Variants in DPP6 observed in about 807,000 individuals in gnomAD.
DPP6 encodes the protein dipeptidyl peptidase like 6, also known as A-type potassium channel modulatory protein DPP6.
DPP6 carries 69 observed loss-of-function variants against 122.6 expected under a neutral mutation model. The ratio of observed to expected loss-of-function variants is 0.56; its 90% CI spans 0.46 to 0.69. The LOEUF is 0.69. Ranked by LOEUF, DPP6 falls within the 30% of genes least tolerant of loss-of-function variation. The pLI is 0.00. For synonymous variants in DPP6, 418 were observed against 433.1 expected, an observed-to-expected ratio of 0.97 and a Z score of 0.43; for missense variants, 928 against 1,116.9, an observed-to-expected ratio of 0.83 and a Z score of 2.41.
At chr7:154,676,183 C>T (rs1045065502) in intron 7 of DPP6, among the ~76,000 whole-genome samples, 2 of 149,986 alleles carry the variant, frequency 1.3e-5, no homozygotes, top group African/African-American at 4.9e-5. Flanking sequence ...TTCCGGGCTA[C>T]AGCCTTGCAG....
At chr7:153,828,905 G>A in the DPP6 span, among the ~76,000 whole-genome samples, 1 of 152,146 alleles carries the variant, frequency 6.6e-6, no homozygotes, top group Non-Finnish European at 1.5e-5. Context: ...AACCACAGAA[G>A]TCTGGATGGG....
At chr7:154,579,170 G>A (rs528933330) in intron 5 of DPP6, among the ~76,000 whole-genome samples, 13 of 152,186 alleles carry the variant, frequency 8.5e-5, no homozygotes, top group South Asian at 8.3e-4. Context: ...CCAACATGGC[G>A]AAACCCCATC....
intron 16 of DPP6, among the ~76,000 whole-genome samples, chr7:154,825,183 C>T (rs1229898474): frequency 6.6e-6 from 1 of 152,170 alleles, no homozygotes; most frequent in Non-Finnish European, 1.5e-5. Context: ...GCCTTGCTTA[C>T]AAGCTACTCA....
At position 154,674,782 on chromosome 7, in the gene DPP6, A is replaced by C. The variant is rs533758582; in HGVS notation, c.762+5341A>C. The stretch of plus-strand genomic sequence containing the variant: ...TGGAACTGGGGAGAGAGCTGTCCCC[A>C]AGAGATAGCGTTCCCCAAAGGAGCA... On this transcript the variant is annotated intron_variant, in intron 7 of 25. Transcript: ENST00000377770. Among the ~76,000 whole-genome samples the C allele has an allele frequency of 1.2e-4, 18 of 152,336 alleles. No individual in the cohort carries two copies. The South Asian group carries it at 3.3e-3, about 28-fold the overall frequency.
intron 1 of DPP6, among the ~76,000 whole-genome samples, chr7:154,315,731 A>T (rs1227308788): frequency 3.9e-5 from 6 of 152,120 alleles, no homozygotes; most frequent in Admixed American, 6.6e-5. Flanking sequence ...ATGGACCGTG[A>T]TCCATGTCAG....
chr7:154,649,482 T>C (rs1213907416), intron 6 of DPP6, among the ~76,000 whole-genome samples: 2 of 152,188 alleles, frequency 1.3e-5, no homozygotes, highest in East Asian at 3.9e-4. Context: ...GCTGCACCAT[T>C]AAGAACTCTG....
chr7:154,849,495 C>T (rs1204241760), intron 16 of DPP6, among the ~76,000 whole-genome samples: 2 of 152,278 alleles, frequency 1.3e-5, no homozygotes, highest in East Asian at 3.9e-4. Context: ...TACAGAAACA[C>T]TGCTGATTTT....
At chr7:154,240,803 G>A (rs375633671) in intron 1 of DPP6, among the ~76,000 whole-genome samples, 10 of 152,052 alleles carry the variant, frequency 6.6e-5, no homozygotes, top group South Asian at 2.1e-4. Context: ...TTCTCTCCTC[G>A]GAATATCAAC....
chr7:154,016,217 TCTC>T (rs889769092), intron 1 of DPP6, among the ~76,000 whole-genome samples: 3 of 152,154 alleles, frequency 2.0e-5, no homozygotes, highest in Non-Finnish European at 4.4e-5. Flanking sequence ...TTTATCTTCT[TCTC>T]AACACGTATC....
intron 1 of DPP6, among the ~76,000 whole-genome samples, chr7:154,023,366 T>G (rs543617655): frequency 9.9e-6 from 1 of 101,518 alleles, no homozygotes; most frequent in Admixed American, 9.6e-5. Flanking sequence ...ACACACTTCT[T>G]AAGTCTGCAT....
chr7:154,194,786 T>C (rs1798784501), intron 1 of DPP6, among the ~76,000 whole-genome samples: 1 of 152,244 alleles, frequency 6.6e-6, no homozygotes, highest in African/African-American at 2.4e-5. Flanking sequence ...TTTGGTAAAA[T>C]ACCTGGTCAA....
intron 5 of DPP6, among the ~76,000 whole-genome samples, chr7:154,586,876 C>T (rs1327220981): frequency 6.6e-6 from 1 of 152,192 alleles, no homozygotes. Context: ...AGGGCTGTGT[C>T]CCTCATCAAG....
intron 5 of DPP6, among the ~76,000 whole-genome samples, chr7:154,582,461 G>A (rs1233882758): frequency 2.0e-5 from 3 of 152,192 alleles, no homozygotes; most frequent in African/African-American, 7.2e-5. Context: ...ACTAGAGAAC[G>A]GGAAGCTGAG....
chr7:153,836,017 A>C, the DPP6 span, among the ~76,000 whole-genome samples: 2 of 152,188 alleles, frequency 1.3e-5, no homozygotes, highest in African/African-American at 2.4e-5. Flanking sequence ...AGGCAAAGCA[A>C]AGTGCAGCCC....
intron 1 of DPP6, among the ~76,000 whole-genome samples, chr7:153,952,872 GAGTC>G (rs1224057939): frequency 2.6e-5 from 4 of 152,176 alleles, no homozygotes; most frequent in Non-Finnish European, 4.4e-5. Context: ...TCAAATACAG[GAGTC>G]AGTCAGATAC....
chr7:154,504,892 A>G (rs1043199243), intron 3 of DPP6, among the ~76,000 whole-genome samples: 2 of 152,030 alleles, frequency 1.3e-5, no homozygotes, highest in Non-Finnish European at 2.9e-5. Flanking sequence ...TACCTAATAT[A>G]TGCATATCTG....
intron 17 of DPP6, among the ~76,000 whole-genome samples, chr7:154,867,584 A>G (rs1803993209): frequency 6.6e-6 from 1 of 152,176 alleles, no homozygotes; most frequent in African/African-American, 2.4e-5. Context: ...CCTAGTTTCT[A>G]CCCACCTTTC....
At chr7:153,932,742 C>A (rs1275776211) in intron 1 of DPP6, among the ~76,000 whole-genome samples, 1 of 152,108 alleles carries the variant, frequency 6.6e-6, no homozygotes, top group African/African-American at 2.4e-5. Flanking sequence ...GCACAGGGAT[C>A]CCAGAAGTCT....
At chr7:154,445,897 C>G (rs1819827100) in intron 1 of DPP6, among the ~76,000 whole-genome samples, 1 of 152,128 alleles carries the variant, frequency 6.6e-6, no homozygotes, top group African/African-American at 2.4e-5. Flanking sequence ...CAAGATGACC[C>G]TATACTGCAG....
Sources: gnomAD v4.1 joint callset for allele counts (sites outside exome capture counted in the v4.1 genomes callset) on GRCh38, gnomAD v4.1.1 for gene constraint, MANE v1.5 for transcripts, NCBI Gene and HGNC (gene_info 2026-07-23, HGNC 2026-07-21) for gene names.